GALNT2: variants seen among roughly 807,000 people sequenced by gnomAD.
GALNT2 encodes polypeptide N-acetylgalactosaminyltransferase 2.
In GALNT2, 31 loss-of-function variants were observed where a neutral mutation model predicts 81.4. The observed-to-expected ratio is 0.38, with a 90% CI of 0.29 to 0.51. GALNT2 has a LOEUF of 0.51. Among genes scored for constraint, GALNT2 ranks in the 20% least tolerant of loss-of-function variants. GALNT2 has a pLI of 0.87. For synonymous variants in GALNT2, 303 were observed against 287.4 expected, an observed-to-expected ratio of 1.05 and a Z score of -0.55; for missense variants, 629 against 765.7, an observed-to-expected ratio of 0.82 and a Z score of 2.11.
At chr1:230,139,128 C>G (rs1272864021) in intron 1 of GALNT2, among the ~76,000 whole-genome samples, 1 of 152,222 alleles carries the variant, frequency 6.6e-6, no homozygotes, top group Non-Finnish European at 1.5e-5. Context: ...CTGGCTTTTT[C>G]TAGCTGCTAC....
At chr1:230,229,631 G>A (rs1386728107) in intron 3 of GALNT2, among the ~76,000 whole-genome samples, 1 of 152,198 alleles carries the variant, frequency 6.6e-6, no homozygotes, top group African/African-American at 2.4e-5. Context: ...GTCCACTGCA[G>A]CGTTGTTTCT....
intron 3 of GALNT2, among the ~76,000 whole-genome samples, chr1:230,217,187 A>G (rs1664415062): frequency 6.6e-6 from 1 of 151,684 alleles, no homozygotes; most frequent in African/African-American, 2.4e-5. Flanking sequence ...CATGTTAAAT[A>G]CAGAAGAGAA....
chr1:230,271,047 G>A lies in GALNT2; in HGVS notation c.1441-3398G>A, dbSNP rs902573073. 1.3e-5 allele frequency among the ~76,000 whole-genome samples: 2 copies of A among 152,166 alleles called. No individual in the cohort carries two copies. Among genetic ancestry groups the A allele is most frequent in the Non-Finnish European group, 2.9e-5 (2 of 68,034 alleles). ...GGTGTCAGCAGACCATCCAGCATCC[G>A]CCAACACCTGCTGCCAGGGACAGTC... On this transcript the variant is annotated intron_variant, in intron 14 of 15. Transcript: ENST00000366672. The surrounding 1 kb of genome is among the most constrained non-coding windows in gnomAD (Gnocchi z 4.2).
In GALNT2 at chr1:230,142,534, G is replaced by A. The variant is rs189053083; in HGVS notation, c.127-35684G>A. ...CCTTTGTAAAATGGGGAAAAAAGTAGTACCTACCTCCTAGGGCTCTTCTGA... is the reference window on the plus strand; with the variant it reads ...CCTTTGTAAAATGGGGAAAAAAGTAATACCTACCTCCTAGGGCTCTTCTGA... On this transcript the variant is annotated intron_variant, in intron 1 of 15. Transcript: ENST00000366672. Among the ~76,000 whole-genome samples the A allele has an allele frequency of 1.6e-3, 251 of 152,272 alleles. 1 individual carries two copies. The highest frequency in any genetic ancestry group is 5.8e-3 in the African/African-American group (239 of 41,534).
intron 11 of GALNT2, chr1:230,262,275 T>C: frequency 2.8e-6 from 1 of 359,484 alleles, no homozygotes; most frequent in Non-Finnish European, 5.0e-6. Flanking sequence ...CCCCAGTCCC[T>C]CCTTTAAAAT....
At chr1:230,224,570 T>C (rs1253235725) in intron 3 of GALNT2, among the ~76,000 whole-genome samples, 1 of 152,252 alleles carries the variant, frequency 6.6e-6, no homozygotes, top group African/African-American at 2.4e-5. Context: ...AACATTTTTA[T>C]TCCATCAAAC....
intron 1 of GALNT2, among the ~76,000 whole-genome samples, chr1:230,165,188 C>T (rs997684463): frequency 6.6e-6 from 1 of 152,214 alleles, no homozygotes; most frequent in African/African-American, 2.4e-5. Flanking sequence ...CATTTTTATT[C>T]CAGTGCCTTT....
intron 3 of GALNT2, among the ~76,000 whole-genome samples, chr1:230,227,461 CTA>C (rs982151717): frequency 1.0e-4 from 15 of 145,466 alleles, no homozygotes; most frequent in South Asian, 4.4e-4. Context: ...TATAATACAG[CTA>C]TATATATATA....
chr1:230,198,579 G>A (rs1663784028), intron 2 of GALNT2, among the ~76,000 whole-genome samples: 1 of 152,178 alleles, frequency 6.6e-6, no homozygotes, highest in South Asian at 2.1e-4. Flanking sequence ...GGCCATGCAT[G>A]TGTGGAGCAG....
rs1665667804 is a variant in GALNT2, at chr1:230,255,133, G to A, written c.1010-85G>A. 1.9e-6 allele frequency: 3 copies of A among 1,593,426 alleles called. No homozygotes were observed. The Admixed American group carries it at 5.0e-5, about 27-fold the overall frequency. On this transcript the variant is annotated intron_variant, in intron 10 of 15. Transcript: ENST00000366672. Reference sequence around the variant, plus strand: ...AGCCCCATGATGGGATGGTCAGGGGGCCTCTGTACCTGCTTGGTGTGTCTG... The same window carrying A: ...AGCCCCATGATGGGATGGTCAGGGGACCTCTGTACCTGCTTGGTGTGTCTG...
intron 3 of GALNT2, 114 bp downstream of exon 3, chr1:230,203,404 G>C (rs186288790): frequency 1.6e-6 from 2 of 1,258,838 alleles, no homozygotes; most frequent in African/African-American, 3.0e-5. Flanking sequence ...TTGAATGTGT[G>C]TTGTAAAACT....
At chr1:230,244,462 C>T (rs1287517228) in intron 7 of GALNT2, among the ~76,000 whole-genome samples, 2 of 151,654 alleles carry the variant, frequency 1.3e-5, no homozygotes, top group African/African-American at 4.8e-5. Context: ...GAAGAACCCA[C>T]CCTGGAATCC....
At chr1:230,191,181 A>G (rs185136457) in intron 2 of GALNT2, among the ~76,000 whole-genome samples, 1 of 152,348 alleles carries the variant, frequency 6.6e-6, no homozygotes, top group East Asian at 1.9e-4. Flanking sequence ...AGTGTCTAGA[A>G]GCAGTCACGT....
chr1:230,239,504 G>A (rs1205734327), intron 6 of GALNT2, among the ~76,000 whole-genome samples: 1 of 152,150 alleles, frequency 6.6e-6, no homozygotes, highest in African/African-American at 2.4e-5. Context: ...AATGTTCAAG[G>A]GCAGGAAGCA....
At chr1:230,083,362 C>G (rs778266657) in intron 1 of GALNT2, among the ~76,000 whole-genome samples, 1 of 134,310 alleles carries the variant, frequency 7.4e-6, no homozygotes, top group African/African-American at 2.9e-5. Context: ...AGGGAGCAGG[C>G]AGCTGGGATG....
At chr1:230,200,242 T>C (rs1663847719) in intron 2 of GALNT2, among the ~76,000 whole-genome samples, 1 of 152,068 alleles carries the variant, frequency 6.6e-6, no homozygotes, top group Non-Finnish European at 1.5e-5. Context: ...TTTTGTATTT[T>C]TAGTAGAGAT....
intron 2 of GALNT2, among the ~76,000 whole-genome samples, chr1:230,196,671 C>T (rs1476326991): frequency 6.6e-6 from 1 of 152,124 alleles, no homozygotes; most frequent in Non-Finnish European, 1.5e-5. Flanking sequence ...TTGCCCCGTC[C>T]AGCACACAAG....
At chr1:230,085,715 G>A (rs1186510636) in intron 1 of GALNT2, among the ~76,000 whole-genome samples, 2 of 152,238 alleles carry the variant, frequency 1.3e-5, no homozygotes, top group African/African-American at 4.8e-5. Flanking sequence ...GTTTAGGCAA[G>A]ATGCAGGATT....
rs114683811 is a variant in GALNT2, at chr1:230,246,735, C to T, written c.817+585C>T. 5.3e-3 allele frequency among the ~76,000 whole-genome samples: 802 copies of T among 152,238 alleles called. 5 individuals carry two copies. The highest frequency in any genetic ancestry group is 8.0e-3 in the Non-Finnish European group (547 of 68,016). On this transcript the variant is annotated intron_variant, in intron 8 of 15. Coordinates refer to ENST00000366672, the MANE Select transcript of GALNT2 (RefSeq NM_004481.5). Reference sequence around the variant, plus strand: ...CACCTGTGCCTACATCACCCTGGTCCCCTTCCGTTGGAATGACCACACCAG... The same window carrying T: ...CACCTGTGCCTACATCACCCTGGTCTCCTTCCGTTGGAATGACCACACCAG...
Sources: allele counts gnomAD v4.1 joint callset (sites outside exome capture counted in the v4.1 genomes callset), GRCh38; gene constraint gnomAD v4.1.1; non-coding constraint Gnocchi (gnomAD v3.1); transcripts MANE v1.5; gene names NCBI Gene and HGNC (gene_info 2026-07-23, HGNC 2026-07-21).